GAB2: variants seen among roughly 807,000 people sequenced by gnomAD.
GAB2 encodes GRB2 associated binding protein 2.
GAB2 carries 26 observed loss-of-function variants against 65.5 expected under a neutral mutation model. The ratio of observed to expected loss-of-function variants is 0.40; its 90% CI spans 0.29 to 0.55. GAB2 has a LOEUF of 0.55. GAB2 is among the 20% of genes least tolerant of loss of function. The pLI is 0.53. For missense variants in GAB2, 884 were observed against 875.8 expected (o/e 1.01, Z -0.12); for synonymous variants, 321 against 329.6 (o/e 0.97, Z 0.28).
chr11:78,377,740 A>G (rs1428494180), intron 1 of GAB2, among the ~76,000 whole-genome samples: 2 of 152,158 alleles, frequency 1.3e-5, no homozygotes, highest in African/African-American at 4.8e-5. Context: ...ATGAGATGCA[A>G]TCGGCTCATA....
intron 1 of GAB2, among the ~76,000 whole-genome samples, chr11:78,306,654 GA>G (rs1855366177): frequency 1.3e-5 from 2 of 152,332 alleles, no homozygotes; most frequent in South Asian, 4.1e-4. Flanking sequence ...GCTTCATCAT[GA>G]ATGTTATTTA....
intron 1 of GAB2, among the ~76,000 whole-genome samples, chr11:78,394,635 G>A (rs994924138): frequency 6.6e-5 from 10 of 152,214 alleles, no homozygotes; most frequent in Admixed American, 3.9e-4. Flanking sequence ...GACAGAGGAA[G>A]GAGAAACTGA....
At chr11:78,350,480 G>A (rs1856259436) in intron 1 of GAB2, among the ~76,000 whole-genome samples, 1 of 152,132 alleles carries the variant, frequency 6.6e-6, no homozygotes, top group South Asian at 2.1e-4. Context: ...TCCTCTTTGA[G>A]GATTGCTCTG....
intron 1 of GAB2, among the ~76,000 whole-genome samples, chr11:78,395,681 AG>A (rs1299082322): frequency 3.9e-5 from 6 of 152,238 alleles, no homozygotes; most frequent in African/African-American, 1.4e-4. Flanking sequence ...TTCTGACTGG[AG>A]AAAAACACAA....
At position 78,390,482 on chromosome 11, in the gene GAB2, G is replaced by C. The variant is rs149006637; in HGVS notation, c.75+27164C>G. Among the ~76,000 whole-genome samples the C allele has an allele frequency of 7.3e-3, 1,105 of 152,212 alleles. 4 individuals are homozygous for C. Among genetic ancestry groups the C allele is most frequent in the Non-Finnish European group, 0.012 (788 of 68,018 alleles). ...CAGGTGCCTGTAATCCTAGCTACTC[G>C]GGAGGCTGATGCACAAGAATCACTT... On this transcript the variant is annotated intron_variant, in intron 1 of 9. Transcript: ENST00000361507.
intron 1 of GAB2, among the ~76,000 whole-genome samples, chr11:78,405,980 A>C (rs1857039034): frequency 6.6e-6 from 1 of 152,154 alleles, no homozygotes; most frequent in Admixed American, 6.5e-5. Flanking sequence ...TCCAACCCTC[A>C]CCCACAGCAG....
At chr11:78,344,208 C>T (rs1417770974) in intron 1 of GAB2, among the ~76,000 whole-genome samples, 1 of 152,052 alleles carries the variant, frequency 6.6e-6, no homozygotes, top group East Asian at 1.9e-4. Context: ...CAATGAAGGC[C>T]TTGAAATTAG....
chr11:78,261,972 G>A (rs1565131375), intron 2 of GAB2, among the ~76,000 whole-genome samples: 2 of 152,136 alleles, frequency 1.3e-5, no homozygotes, highest in South Asian at 4.1e-4. Flanking sequence ...AACTTTATAA[G>A]AGATAAGCTT....
Position 78,260,535 on chromosome 11 carries a change from G to A in GAB2, c.377-10135C>T, listed in dbSNP as rs564064822. Among the ~76,000 whole-genome samples, 6 of 151,130 alleles carry A rather than the reference G, an allele frequency of 4.0e-5. No homozygotes were observed. In the East Asian group the frequency reaches 7.8e-4, roughly 20 times the overall value. On this transcript the variant is annotated intron_variant, in intron 2 of 9. Transcript: ENST00000361507. ...CTCCCAGGCTGGAGTGCAATGGTGC[G>A]ATCTTGGCTCACTGAAACCTCCGCC...
At chr11:78,249,161 A>T (rs1039059776) in intron 3 of GAB2, among the ~76,000 whole-genome samples, 1 of 152,242 alleles carries the variant, frequency 6.6e-6, no homozygotes, top group Non-Finnish European at 1.5e-5. Context: ...GTTCTAGCCC[A>T]ACCTCTGCTA....
At chr11:78,372,558 A>G (rs1002734711) in intron 1 of GAB2, among the ~76,000 whole-genome samples, 4 of 152,244 alleles carry the variant, frequency 2.6e-5, no homozygotes, top group Non-Finnish European at 5.9e-5. Context: ...TACTTGCAGA[A>G]AAACTGCTGA....
At chr11:78,366,585 C>CAAA (rs33997665) in intron 1 of GAB2, among the ~76,000 whole-genome samples, 3,261 of 32,726 alleles carry the variant, frequency 0.1, 778 homozygotes, top group East Asian at 0.29. Context: ...GACTCCATCT[C>CAAA]AAAAAAAAAA....
intron 1 of GAB2, among the ~76,000 whole-genome samples, chr11:78,337,659 C>T (rs1231498364): frequency 1.3e-5 from 2 of 152,212 alleles, no homozygotes; most frequent in African/African-American, 4.8e-5. Flanking sequence ...TACCCTATCT[C>T]AAGTGCAGCT....
Position 78,263,934 on chromosome 11 carries a change from G to A in GAB2, c.377-13534C>T, listed in dbSNP as rs549872396. 9.0e-4 allele frequency among the ~76,000 whole-genome samples: 136 copies of A among 150,908 alleles called. 1 individual carries two copies. Among genetic ancestry groups the A allele is most frequent in the Non-Finnish European group, 1.5e-3 (104 of 67,814 alleles). On this transcript the variant is annotated intron_variant, in intron 2 of 9. Transcript: ENST00000361507. ...TTTTTTTTAAGTAAAACATCTCATT[G>A]GGGGAGCAATAAACATAACTTCTGG...
intron 8 of GAB2, 107 bp downstream of exon 8, chr11:78,221,570 G>A (rs1864424458): frequency 1.7e-6 from 1 of 596,012 alleles, no homozygotes; most frequent in Non-Finnish European, 3.1e-6. Context: ...AATAATACAA[G>A]GAGTCCCTGG....
chr11:78,321,707 G>A (rs1244692027), intron 1 of GAB2, among the ~76,000 whole-genome samples: 1 of 152,122 alleles, frequency 6.6e-6, no homozygotes, highest in East Asian at 1.9e-4. Context: ...ATGTTCTTCA[G>A]AGATGGAGGC....
chr11:78,350,084 T>C (rs1239701623), intron 1 of GAB2, among the ~76,000 whole-genome samples: 2 of 152,106 alleles, frequency 1.3e-5, no homozygotes, highest in African/African-American at 2.4e-5. Context: ...TTCATCACAT[T>C]GAAAAAAAAG....
At chr11:78,280,491 T>C (rs370116826) in intron 2 of GAB2, 110 bp downstream of exon 2, 5 of 873,898 alleles carry the variant, frequency 5.7e-6, no homozygotes, top group South Asian at 1.6e-5. Context: ...CCTTTATCTA[T>C]GAACGCTCTT....
At chr11:78,309,926 ATGTGTGTGTGTGTGTGTGTGTGTG>A (rs60718900) in intron 1 of GAB2, among the ~76,000 whole-genome samples, 16 of 135,704 alleles carry the variant, frequency 1.2e-4, no homozygotes, top group African/African-American at 3.9e-4. Flanking sequence ...AGGGTTAGAA[ATGTGTGTGTGTGTGTGTGTGTGTG>A]TGTGTGTGTG....
Sources: allele counts gnomAD v4.1 joint callset (sites outside exome capture counted in the v4.1 genomes callset), GRCh38; gene constraint gnomAD v4.1.1; transcripts MANE v1.5; gene names NCBI Gene and HGNC (gene_info 2026-07-23, HGNC 2026-07-21).